Variants in ANKS1B observed in about 807,000 individuals in gnomAD.
ANKS1B encodes ankyrin repeat and sterile alpha motif domain-containing protein 1B.
In ANKS1B, 36 loss-of-function variants were observed where a neutral mutation model predicts 148.3. That is an observed-to-expected ratio of 0.24 (90% CI 0.19 to 0.32). The LOEUF (loss-of-function observed/expected upper bound fraction) is 0.32. Ranked by LOEUF, ANKS1B falls within the 10% of genes least tolerant of loss-of-function variation. The pLI, the probability that ANKS1B is intolerant of heterozygous loss-of-function variation, is 1.00. For missense variants in ANKS1B, 1,157 were observed against 1,542.6 expected (o/e 0.75, Z 4.19); for synonymous variants, 542 against 560.8 (o/e 0.97, Z 0.47).
chr12:98,931,010 T>C (rs1273306681), intron 17 of ANKS1B, among the ~76,000 whole-genome samples: 1 of 152,134 alleles, frequency 6.6e-6, no homozygotes, highest in Non-Finnish European at 1.5e-5. Flanking sequence ...CTGGCAGCTC[T>C]GGCAGAAAAT....
At chr12:99,130,314 AT>A (rs1401612074) in intron 15 of ANKS1B, among the ~76,000 whole-genome samples, 3 of 152,180 alleles carry the variant, frequency 2.0e-5, no homozygotes, top group Non-Finnish European at 4.4e-5. Context: ...GTAAAATTTA[AT>A]TGATTTTTTT....
chr12:99,483,735 T>A (rs1169152744), intron 10 of ANKS1B, among the ~76,000 whole-genome samples: 1 of 152,018 alleles, frequency 6.6e-6, no homozygotes, highest in Non-Finnish European at 1.5e-5. Flanking sequence ...ATGAGTGGTG[T>A]ATGTTTCCAG....
chr12:99,539,973 A>G (rs553974356), intron 9 of ANKS1B, among the ~76,000 whole-genome samples: 3 of 152,320 alleles, frequency 2.0e-5, no homozygotes, highest in Non-Finnish European at 4.4e-5. Context: ...TGAAAAAAAG[A>G]TACATCATGC....
intron 9 of ANKS1B, among the ~76,000 whole-genome samples, chr12:99,517,537 G>A (rs1344232076): frequency 2.7e-5 from 4 of 149,158 alleles, no homozygotes; most frequent in Admixed American, 6.7e-5. Context: ...GACCAATGTG[G>A]TGAAACCCTG....
chr12:99,468,657 C>G (rs377529576), intron 10 of ANKS1B, among the ~76,000 whole-genome samples: 3 of 152,086 alleles, frequency 2.0e-5, no homozygotes, highest in Non-Finnish European at 4.4e-5. Flanking sequence ...CTCAAAAGAA[C>G]ACATTTATGC....
At position 99,651,685 on chromosome 12, in the gene ANKS1B, C is replaced by T. The variant is rs1360680205; in HGVS notation, c.1272+3382G>A. On this transcript the variant is annotated intron_variant, in intron 9 of 26. Transcript: ENST00000683438. Reference sequence around the variant, plus strand: ...ATCCTGATGCTTATTACTATCAGATCCTGTTCCTAGGTCACAGTTTTCTTA... The same window carrying T: ...ATCCTGATGCTTATTACTATCAGATTCTGTTCCTAGGTCACAGTTTTCTTA... 2.0e-5 allele frequency among the ~76,000 whole-genome samples: 3 copies of T among 152,122 alleles called. No individual in the cohort carries two copies. The East Asian group carries it at 5.8e-4, about 29-fold the overall frequency.
chr12:99,397,287 T>C (rs901003767), intron 12 of ANKS1B, among the ~76,000 whole-genome samples: 1 of 152,146 alleles, frequency 6.6e-6, no homozygotes, highest in African/African-American at 2.4e-5. Flanking sequence ...AATTAATTCA[T>C]TGTTAATCTA....
chr12:99,239,002 C>A (rs2088648616), intron 14 of ANKS1B, among the ~76,000 whole-genome samples: 1 of 152,112 alleles, frequency 6.6e-6, no homozygotes, highest in African/African-American at 2.4e-5. Context: ...AACCAGAATG[C>A]CTCTTCTCCT....
chr12:99,813,395 T>G (rs2068675798), intron 2 of ANKS1B, among the ~76,000 whole-genome samples: 1 of 151,048 alleles, frequency 6.6e-6, no homozygotes, highest in Non-Finnish European at 1.5e-5. Flanking sequence ...AATATATATA[T>G]AATTACAATA....
At chr12:99,765,585 C>A (rs1453679402) in intron 8 of ANKS1B, among the ~76,000 whole-genome samples, 4 of 152,094 alleles carry the variant, frequency 2.6e-5, no homozygotes, top group African/African-American at 9.7e-5. Context: ...CATATAAGTT[C>A]AATTATTTGT....
intron 15 of ANKS1B, among the ~76,000 whole-genome samples, chr12:99,102,878 A>G (rs2058295398): frequency 6.6e-6 from 1 of 152,174 alleles, no homozygotes; most frequent in African/African-American, 2.4e-5. Flanking sequence ...GCAGTGAGCT[A>G]TGATCACATC....
intron 8 of ANKS1B, among the ~76,000 whole-genome samples, chr12:99,751,004 T>G (rs1252709265): frequency 5.3e-5 from 8 of 152,066 alleles, no homozygotes; most frequent in African/African-American, 1.9e-4. Context: ...ATTTTATTTT[T>G]CCACTAATTT....
intron 15 of ANKS1B, among the ~76,000 whole-genome samples, chr12:99,152,924 T>C (rs549527431): frequency 1.3e-5 from 2 of 152,264 alleles, no homozygotes; most frequent in Non-Finnish European, 2.9e-5. Flanking sequence ...TCATAGCAAT[T>C]GAAGAACTTT....
At chr12:99,584,384 G>A (rs1027167787) in intron 9 of ANKS1B, among the ~76,000 whole-genome samples, 6 of 152,106 alleles carry the variant, frequency 3.9e-5, no homozygotes, top group African/African-American at 1.4e-4. Flanking sequence ...AGGACTGCTT[G>A]AGCCCAGGAG....
intron 4 of ANKS1B, among the ~76,000 whole-genome samples, chr12:99,800,441 CAAAAAAAAAA>C (rs138056927): frequency 1.2e-5 from 1 of 86,750 alleles, no homozygotes; most frequent in Admixed American, 1.3e-4. Context: ...ATACAGAAGC[CAAAAAAAAAA>C]AAAAAAAAAA....
In ANKS1B at chr12:98,801,502, G is replaced by T. The variant is rs1333331113; in HGVS notation, c.3142-377C>A. Among the ~76,000 whole-genome samples the T allele has an allele frequency of 6.6e-6, 1 of 152,086 alleles. No homozygotes were observed. The highest frequency in any genetic ancestry group is 2.4e-5 in the African/African-American group (1 of 41,424). ...TTGACTGAAATTTTTAGTTTGAATT[G>T]CTTTCACATTCAGAACACACAGTTC... On this transcript the variant is annotated intron_variant, in intron 20 of 26. Transcript: ENST00000683438. This position sits in a 1 kb window ranked among gnomAD's most constrained non-coding sequence, Gnocchi z 5.2.
intron 1 of ANKS1B, among the ~76,000 whole-genome samples, chr12:99,978,863 A>C: frequency 6.6e-6 from 1 of 152,152 alleles, no homozygotes; most frequent in Non-Finnish European, 1.5e-5. Flanking sequence ...TTTATTTCTG[A>C]CAAGAATTTA....
At chr12:98,760,106 A>G (rs2098369266) in intron 25 of ANKS1B, among the ~76,000 whole-genome samples, 2 of 152,250 alleles carry the variant, frequency 1.3e-5, no homozygotes, top group African/African-American at 4.8e-5. Context: ...ATCAAATGTG[A>G]ATAGTAGTTA....
downstream of ANKS1B, among the ~76,000 whole-genome samples, chr12:98,743,014 A>AAAG (rs1005182051): frequency 3.3e-5 from 5 of 152,348 alleles, no homozygotes; most frequent in African/African-American, 1.2e-4. Flanking sequence ...TTTTTTAAAA[A>AAAG]AAGTCTTCTT....
Sources: gnomAD v4.1 joint callset for allele counts (sites outside exome capture counted in the v4.1 genomes callset) on GRCh38, gnomAD v4.1.1 for gene constraint, Gnocchi (gnomAD v3.1) non-coding constraint, MANE v1.5 for transcripts, NCBI Gene and HGNC (gene_info 2026-07-23, HGNC 2026-07-21) for gene names.